Variants in HRH2 observed in about 807,000 individuals in gnomAD.
HRH2 encodes the protein histamine receptor H2, also known as histamine H2 receptor.
HRH2 carries 4 observed loss-of-function variants against 20.1 expected under a neutral mutation model. The ratio of observed to expected loss-of-function variants is 0.20; its 90% confidence interval spans 0.10 to 0.45. HRH2 has a LOEUF of 0.45. Ranked by LOEUF, HRH2 falls within the 20% of genes least tolerant of loss-of-function variation. HRH2 has a pLI of 0.99. For missense variants in HRH2, 250 were observed against 461.6 expected, an observed-to-expected ratio of 0.54 and a Z score of 4.20; for synonymous variants, 197 against 200.7, an observed-to-expected ratio of 0.98 and a Z score of 0.16.
Position 175,705,943 on chromosome 5 carries a change from C to T in HRH2, c.1077-1836C>T, listed in dbSNP as rs551135286. 2.9e-4 allele frequency among the ~76,000 whole-genome samples: 44 copies of T among 152,232 alleles called. 1 individual carries two copies. The South Asian group carries it at 7.7e-3, about 27-fold the overall frequency. ...AAGTGATCGGCCTGCCTTGGCCTCC[C>T]GAAGTGCTAGGATTACAGGCATGAA... On this transcript the variant is annotated intron_variant, in intron 2 of 2. Transcript: ENST00000636584.
Position 175,661,558 on chromosome 5 carries a change from T to C in HRH2, c.-526+3403T>C, listed in dbSNP as rs79639901. Among the ~76,000 whole-genome samples the C allele has an allele frequency of 4.9e-3, 752 of 152,314 alleles. 4 individuals are homozygous for C. Among genetic ancestry groups the C allele is most frequent in the Non-Finnish European group, 7.8e-3 (532 of 68,012 alleles). The stretch of plus-strand genomic sequence containing the variant: ...CATCTAAATCCACGGCCTACACTCC[T>C]AATCAGGGTCAGGAAGGGCTGACAG... On this transcript the variant is annotated intron_variant, in intron 1 of 2. Transcript: ENST00000636584.
Position 175,686,791 on chromosome 5 carries a change from T to C in HRH2, c.1076+2482T>C, listed in dbSNP as rs1302826698. On this transcript the variant is annotated intron_variant, in intron 2 of 2. Transcript: ENST00000636584. The surrounding 1 kb of genome is among the most constrained non-coding windows in gnomAD (Gnocchi z 4.7). ...GCAGGGACTTGCTTAATCTCCACTTTATAGGTGGGAAAACTGAGGCACACA... is the reference window on the plus strand; with the variant it reads ...GCAGGGACTTGCTTAATCTCCACTTCATAGGTGGGAAAACTGAGGCACACA... Among the ~76,000 whole-genome samples the C allele has an allele frequency of 6.6e-6, 1 of 152,194 alleles. No individual in the cohort carries two copies. Among genetic ancestry groups the C allele is most frequent in the Admixed American group, 6.5e-5 (1 of 15,286 alleles).
At chr5:175,684,815 G>C (rs1234415096) in intron 2 of HRH2, among the ~76,000 whole-genome samples, 1 of 152,192 alleles carries the variant, frequency 6.6e-6, no homozygotes, top group Non-Finnish European at 1.5e-5. Context: ...CGTGGGGGGG[G>C]TGTAAGTTGG....
chr5:175,676,253 G>T (rs1414387405), intron 1 of HRH2, among the ~76,000 whole-genome samples: 2 of 152,248 alleles, frequency 1.3e-5, no homozygotes, highest in Non-Finnish European at 2.9e-5. Flanking sequence ...CCAGACCCAA[G>T]AAAATGCTTC....
At position 175,687,540 on chromosome 5, in the gene HRH2, T is replaced by C. The variant is rs1180129767; in HGVS notation, c.1076+3231T>C. On this transcript the variant is annotated intron_variant, in intron 2 of 2. Coordinates refer to ENST00000636584, the MANE Select transcript of HRH2 (RefSeq NM_001367711.1). This position sits in a 1 kb window ranked among gnomAD's most constrained non-coding sequence, Gnocchi z 5.2. ...ACCAGCAGCCACCCCACAATGTTCCTGCCCAGCCTCTATGAGTGCTCTTTG... is the reference window on the plus strand; with the variant it reads ...ACCAGCAGCCACCCCACAATGTTCCCGCCCAGCCTCTATGAGTGCTCTTTG... 6.6e-6 allele frequency among the ~76,000 whole-genome samples: 1 copy of C among 152,130 alleles called. No homozygotes were observed. The highest frequency in any genetic ancestry group is 2.4e-5 in the African/African-American group (1 of 41,446).
At chr5:175,689,295 T>G (rs909552224) in intron 2 of HRH2, among the ~76,000 whole-genome samples, 1 of 144,828 alleles carries the variant, frequency 6.9e-6, no homozygotes, top group African/African-American at 2.6e-5. Flanking sequence ...TCTAACCCCA[T>G]GCAGGCTCCC....
At chr5:175,669,612 C>T (rs570258626) in intron 1 of HRH2, among the ~76,000 whole-genome samples, 3 of 152,324 alleles carry the variant, frequency 2.0e-5, no homozygotes, top group African/African-American at 7.2e-5. Flanking sequence ...GATCCACCCA[C>T]CTCGGCCTCC....
chr5:175,692,869 C>G, intron 2 of HRH2, among the ~76,000 whole-genome samples: 1 of 152,178 alleles, frequency 6.6e-6, no homozygotes. Context: ...TGGTGAGGAA[C>G]GTGTTTTTTA....
At chr5:175,685,446 C>G (rs753482041) in intron 2 of HRH2, 3 of 1,551,650 alleles carry the variant, frequency 1.9e-6, no homozygotes, top group East Asian at 4.9e-5. Context: ...GTCTGTGGAA[C>G]TGACCCATTC....
At chr5:175,705,846 G>T (rs749539253) in intron 2 of HRH2, among the ~76,000 whole-genome samples, 43 of 151,844 alleles carry the variant, frequency 2.8e-4, no homozygotes, top group Non-Finnish European at 4.6e-4. Flanking sequence ...TATTTTTTTT[G>T]TAAAGACAAG....
chr5:175,662,254 G>A (rs1299723847), intron 1 of HRH2, among the ~76,000 whole-genome samples: 1 of 152,150 alleles, frequency 6.6e-6, no homozygotes, highest in East Asian at 1.9e-4. Context: ...AGGTTGGAAA[G>A]ATGGTTCTCA....
At position 175,709,250 on chromosome 5, in the gene HRH2, C is replaced by T. The variant is rs1757028206; in HGVS notation, c.*1279C>T. On this transcript the variant is annotated 3_prime_UTR_variant, in exon 3 of 3. Transcript: ENST00000636584. The stretch of plus-strand genomic sequence containing the variant: ...TCCCTTTTCTGTCCCTTTTGCAACT[C>T]ATTGTCCTCTACCTGCCATCAGATG... 6.6e-6 allele frequency: 1 copy of T among 152,270 alleles called. No individual in the cohort carries two copies. The highest frequency in any genetic ancestry group is 2.4e-5 in the African/African-American group (1 of 41,424). 9.4% of individuals were successfully genotyped at this position (152,270 alleles called of 1,614,324 possible). A position where few individuals can be genotyped will look rare whatever the true frequency, so the allele number is the denominator to read the frequency against.
chr5:175,704,848 A>G (rs930771984), intron 2 of HRH2, among the ~76,000 whole-genome samples: 1 of 151,930 alleles, frequency 6.6e-6, no homozygotes, highest in African/African-American at 2.4e-5. Context: ...ATGATTATAT[A>G]CTTTTCTTCA....
intron 1 of HRH2, among the ~76,000 whole-genome samples, chr5:175,676,573 G>A (rs570971330): frequency 1.5e-4 from 23 of 152,350 alleles, no homozygotes; most frequent in African/African-American, 3.6e-4. Context: ...ATAATGGGCC[G>A]TCAGCAGTTT....
chr5:175,696,677 G>A (rs1756593776), intron 2 of HRH2, among the ~76,000 whole-genome samples: 1 of 152,192 alleles, frequency 6.6e-6, no homozygotes, highest in Non-Finnish European at 1.5e-5. Context: ...GGGCTCCGCA[G>A]GAAGTAGGGC....
intron 2 of HRH2, among the ~76,000 whole-genome samples, chr5:175,688,483 G>A (rs1236037128): frequency 6.6e-6 from 1 of 152,204 alleles, no homozygotes; most frequent in Non-Finnish European, 1.5e-5. Flanking sequence ...AGCACTGTTT[G>A]CAGTAGAGCA....
chr5:175,658,713 GGATGACC>G (rs60702782), intron 1 of HRH2, among the ~76,000 whole-genome samples: 3 of 152,038 alleles, frequency 2.0e-5, no homozygotes, highest in Admixed American at 2.0e-4. Flanking sequence ...GCCCGCTGCC[GGATGACC>G]GATGACCGGA....
chr5:175,694,311 A>T (rs1756490415), intron 2 of HRH2, among the ~76,000 whole-genome samples: 1 of 152,140 alleles, frequency 6.6e-6, no homozygotes. Flanking sequence ...CAGTCCGCAC[A>T]GGCTTCTCTC....
At chr5:175,673,705 T>G (rs1329106518) in intron 1 of HRH2, among the ~76,000 whole-genome samples, 3 of 151,792 alleles carry the variant, frequency 2.0e-5, no homozygotes, top group East Asian at 1.9e-4. Context: ...AGTTTTTTTT[T>G]TTTGTTTTTT....
Sources: gnomAD v4.1 joint callset for allele counts (sites outside exome capture counted in the v4.1 genomes callset) on GRCh38, gnomAD v4.1.1 for gene constraint, Gnocchi (gnomAD v3.1) non-coding constraint, MANE v1.5 for transcripts, NCBI Gene and HGNC (gene_info 2026-07-23, HGNC 2026-07-21) for gene names.